Variants in RGS7 observed in about 807,000 individuals in gnomAD.
RGS7 encodes regulator of G-protein signaling 7.
RGS7 carries 27 observed loss-of-function variants against 81.1 expected under a neutral mutation model. The ratio of observed to expected loss-of-function variants is 0.33; its 90% confidence interval spans 0.25 to 0.46. The LOEUF is 0.46. RGS7 is among the 20% of genes least tolerant of loss of function. The pLI is 1.00. For missense variants in RGS7, 396 were observed against 607.4 expected, an observed-to-expected ratio of 0.65 and a Z score of 3.66; for synonymous variants, 208 against 207.7, an observed-to-expected ratio of 1.00 and a Z score of -0.01.
chr1:241,321,555 C>T (rs1295221674), intron 2 of RGS7, among the ~76,000 whole-genome samples: 1 of 152,040 alleles, frequency 6.6e-6, no homozygotes, highest in Non-Finnish European at 1.5e-5. Flanking sequence ...TTTCAGCTTC[C>T]ACATCTTCCA....
chr1:241,190,763 G>A (rs12119869), intron 2 of RGS7, among the ~76,000 whole-genome samples: 102,927 of 151,826 alleles, frequency 0.68, 35,296 homozygotes, highest in Non-Finnish European at 0.73. Context: ...ATCTGAAAAT[G>A]GTGACTGTTT....
intron 10 of RGS7, chr1:240,823,304 T>C: frequency 1.7e-6 from 1 of 596,684 alleles, no homozygotes; most frequent in South Asian, 1.6e-5. Context: ...TAAATGCCAA[T>C]GGATACATCA....
At chr1:241,039,405 C>T (rs1036817698) in intron 3 of RGS7, among the ~76,000 whole-genome samples, 1 of 152,084 alleles carries the variant, frequency 6.6e-6, no homozygotes, top group Non-Finnish European at 1.5e-5. Flanking sequence ...GGATCTTATT[C>T]GTTGAATCAG....
intron 3 of RGS7, among the ~76,000 whole-genome samples, chr1:241,078,941 C>G (rs527779168): frequency 1.3e-5 from 2 of 152,156 alleles, no homozygotes; most frequent in African/African-American, 4.8e-5. Flanking sequence ...ACTACTCAGA[C>G]AGAGGAATAC....
chr1:241,015,083 A>G (rs1376321757), intron 3 of RGS7, among the ~76,000 whole-genome samples: 2 of 152,190 alleles, frequency 1.3e-5, no homozygotes, highest in Non-Finnish European at 2.9e-5. Flanking sequence ...AAATTCTCCC[A>G]TTTCATATTC....
At chr1:241,002,102 T>C (rs1487647983) in intron 3 of RGS7, among the ~76,000 whole-genome samples, 1 of 152,118 alleles carries the variant, frequency 6.6e-6, no homozygotes, top group Non-Finnish European at 1.5e-5. Context: ...GAAATCTCTT[T>C]ACCTTTCTTT....
chr1:241,165,303 G>A lies in RGS7; in HGVS notation c.79-66541C>T, dbSNP rs189273895. The stretch of plus-strand genomic sequence containing the variant: ...TGTTACAGAATCTATGCTAGGGGTC[G>A]AGCACACAATATTTAGACACATGCA... On this transcript the variant is annotated intron_variant, in intron 2 of 18. Transcript: ENST00000440928. Among the ~76,000 whole-genome samples the A allele has an allele frequency of 1.7e-3, 259 of 152,164 alleles. 3 individuals are homozygous for A. The highest frequency in any genetic ancestry group is 5.7e-3 in the African/African-American group (238 of 41,494).
At chr1:241,246,752 G>GT (rs1283725930) in intron 2 of RGS7, among the ~76,000 whole-genome samples, 1 of 151,864 alleles carries the variant, frequency 6.6e-6, no homozygotes, top group African/African-American at 2.4e-5. Flanking sequence ...CCTCTTTGTT[G>GT]TTTTTTTTTC....
At chr1:240,792,567 T>C (rs1686186084) in intron 18 of RGS7, among the ~76,000 whole-genome samples, 1 of 152,124 alleles carries the variant, frequency 6.6e-6, no homozygotes, top group Admixed American at 6.5e-5. Context: ...TGTCTCTCTC[T>C]CTCCTGCAGG....
chr1:240,978,822 A>G (rs1364406126), intron 4 of RGS7, among the ~76,000 whole-genome samples: 4 of 152,226 alleles, frequency 2.6e-5, no homozygotes, highest in African/African-American at 9.6e-5. Flanking sequence ...ACTGCTTTAC[A>G]CTGTATGTAA....
chr1:240,874,426 G>A (rs1325497722), intron 6 of RGS7, among the ~76,000 whole-genome samples: 1 of 151,890 alleles, frequency 6.6e-6, no homozygotes, highest in Admixed American at 6.6e-5. Flanking sequence ...AGAGGAAAGG[G>A]GAAGACTGAC....
chr1:240,935,780 C>T (rs1676519330), intron 5 of RGS7, among the ~76,000 whole-genome samples: 1 of 152,136 alleles, frequency 6.6e-6, no homozygotes, highest in South Asian at 2.1e-4. Flanking sequence ...ATACTTAGAA[C>T]AAGTGAGAAG....
chr1:240,877,903 T>TTTC (rs1665717805), intron 6 of RGS7, among the ~76,000 whole-genome samples: 1 of 152,190 alleles, frequency 6.6e-6, no homozygotes, highest in African/African-American at 2.4e-5. Flanking sequence ...GAGAGTCTAT[T>TTTC]TTCAGCAAAG....
intron 9 of RGS7, among the ~76,000 whole-genome samples, chr1:240,857,235 AT>A (rs918562854): frequency 4.0e-5 from 6 of 151,768 alleles, no homozygotes; most frequent in African/African-American, 1.2e-4. Context: ...CATGGACTTT[AT>A]TTTTGAGTAG....
intron 2 of RGS7, among the ~76,000 whole-genome samples, chr1:241,195,305 G>A (rs12728325): frequency 0.18 from 26,606 of 151,974 alleles, 3,016 homozygotes; most frequent in Non-Finnish European, 0.25. Flanking sequence ...GTGAAACCCC[G>A]TCTCTACTAA....
chr1:241,215,698 G>GA (rs922112672), intron 2 of RGS7, among the ~76,000 whole-genome samples: 5 of 152,000 alleles, frequency 3.3e-5, no homozygotes, highest in African/African-American at 4.8e-5. Context: ...CCTCGTAGGG[G>GA]AAAAAAACAG....
intron 4 of RGS7, among the ~76,000 whole-genome samples, chr1:240,972,221 T>C (rs1448598441): frequency 1.3e-5 from 2 of 152,118 alleles, no homozygotes; most frequent in Non-Finnish European, 2.9e-5. Flanking sequence ...AGGTCTGAAA[T>C]AGTTGTTCAA....
chr1:240,998,397 CTT>C (rs113072425), intron 3 of RGS7: 165 of 485,146 alleles, frequency 3.4e-4, no homozygotes, highest in East Asian at 8.1e-4. Flanking sequence ...TCTTCAAGTA[CTT>C]TTTTTTTTTA....
intron 18 of RGS7, among the ~76,000 whole-genome samples, chr1:240,793,612 T>TATATATATATATATATATA (rs11270798): frequency 3.2e-4 from 9 of 28,570 alleles, no homozygotes; most frequent in African/African-American, 1.3e-3. Flanking sequence ...TATATATATA[T>TATATATATATATATATATA]TTTTTTTTTT....
Sources: gnomAD v4.1 joint callset for allele counts (sites outside exome capture counted in the v4.1 genomes callset) on GRCh38, gnomAD v4.1.1 for gene constraint, MANE v1.5 for transcripts, NCBI Gene and HGNC (gene_info 2026-07-23, HGNC 2026-07-21) for gene names.